RBFOX1: variants seen among roughly 807,000 people sequenced by gnomAD.
The protein encoded by RBFOX1 is RNA binding protein fox-1 homolog 1.
Under a neutral mutation model 57.7 loss-of-function variants are expected in RBFOX1, and 8 were observed. The observed-to-expected ratio is 0.14, with a 90% CI of 0.08 to 0.25. The LOEUF is 0.25. RBFOX1 is among the 10% of genes least tolerant of loss of function. The pLI is 1.00. For synonymous variants in RBFOX1, 326 were observed against 222.4 expected (o/e 1.47, Z -4.15); for missense variants, 611 against 548.5 (o/e 1.11, Z -1.14).
chr16:6,829,481 T>TAAAAA (rs35754742), intron 3 of RBFOX1, among the ~76,000 whole-genome samples: 47 of 135,662 alleles, frequency 3.5e-4, no homozygotes, highest in African/African-American at 1.1e-3. Context: ...ACTCAACCAT[T>TAAAAA]AAAAAAAAAA....
chr16:6,522,422 G>T (rs558481286), intron 2 of RBFOX1, among the ~76,000 whole-genome samples: 1 of 152,050 alleles, frequency 6.6e-6, no homozygotes, highest in South Asian at 2.1e-4. Flanking sequence ...TAATGCCATC[G>T]TATTGGGAAG....
At chr16:7,290,442 T>A (rs2141518349) in intron 4 of RBFOX1, among the ~76,000 whole-genome samples, 1 of 152,352 alleles carries the variant, frequency 6.6e-6, no homozygotes, top group East Asian at 1.9e-4. Context: ...GTAAGCTCCA[T>A]GTCCTTTCGT....
At chr16:5,306,705 G>C (rs1018244450) in intron 1 of RBFOX1, among the ~76,000 whole-genome samples, 2 of 152,186 alleles carry the variant, frequency 1.3e-5, no homozygotes, top group African/African-American at 4.8e-5. Flanking sequence ...GCTTCCGAGA[G>C]AGCACGCCCA....
chr16:6,014,943 G>T (rs76018837), upstream of RBFOX1, among the ~76,000 whole-genome samples: 16,357 of 151,088 alleles, frequency 0.11, 1,265 homozygotes, highest in African/African-American at 0.22. Context: ...GTAGCCTCAA[G>T]CTCCCAGGCT....
intron 4 of RBFOX1, among the ~76,000 whole-genome samples, chr16:7,098,102 G>C (rs1599428132): frequency 6.6e-6 from 1 of 152,348 alleles, no homozygotes; most frequent in East Asian, 1.9e-4. Context: ...AGTGGTACAA[G>C]TGAGGAAAGG....
intron 4 of RBFOX1, among the ~76,000 whole-genome samples, chr16:7,264,978 T>C (rs1459563488): frequency 1.3e-5 from 2 of 152,240 alleles, no homozygotes; most frequent in East Asian, 1.9e-4. Context: ...CAAGCAGTTA[T>C]TTGTAGAATC....
intron 2 of RBFOX1, among the ~76,000 whole-genome samples, chr16:6,414,029 C>T (rs1177751446): frequency 6.6e-6 from 1 of 152,246 alleles, no homozygotes; most frequent in Non-Finnish European, 1.5e-5. Flanking sequence ...GGGATCGTTC[C>T]GCGCAAACAC....
At chr16:6,180,045 T>C (rs980060148) in intron 1 of RBFOX1, among the ~76,000 whole-genome samples, 1 of 152,216 alleles carries the variant, frequency 6.6e-6, no homozygotes, top group African/African-American at 2.4e-5. Context: ...TTTGCCAGTA[T>C]CTTCTTGAAG....
At chr16:6,176,706 T>C (rs1007550260) in intron 1 of RBFOX1, among the ~76,000 whole-genome samples, 1 of 152,174 alleles carries the variant, frequency 6.6e-6, no homozygotes, top group African/African-American at 2.4e-5. Flanking sequence ...TTTTTTTTCT[T>C]TTCCAATCTG....
chr16:5,621,571 A>T (rs141305998), intron 3 of RBFOX1, among the ~76,000 whole-genome samples: 1 of 152,196 alleles, frequency 6.6e-6, no homozygotes, highest in African/African-American at 2.4e-5. Flanking sequence ...GGATGTAGGC[A>T]TCAGCGGGAT....
chr16:6,306,302 G>A (rs1203282977), intron 1 of RBFOX1, among the ~76,000 whole-genome samples: 1 of 152,154 alleles, frequency 6.6e-6, no homozygotes, highest in East Asian at 1.9e-4. Context: ...GTTGAATCAT[G>A]GATGGAAACC....
intron 1 of RBFOX1, among the ~76,000 whole-genome samples, chr16:6,220,190 G>C (rs141983017): frequency 6.6e-6 from 1 of 152,060 alleles, no homozygotes; most frequent in East Asian, 1.9e-4. Flanking sequence ...CTGTGTGTCT[G>C]TGGGTGTGTG....
chr16:6,769,957 C>T (rs550543673), intron 3 of RBFOX1, among the ~76,000 whole-genome samples: 44 of 152,176 alleles, frequency 2.9e-4, no homozygotes, highest in South Asian at 6.2e-4. Flanking sequence ...TATCTATGTG[C>T]CTTATGCCTG....
intron 2 of RBFOX1, among the ~76,000 whole-genome samples, chr16:6,633,841 C>G (rs1439673612): frequency 6.6e-6 from 1 of 151,930 alleles, no homozygotes; most frequent in Admixed American, 6.6e-5. Flanking sequence ...AGATGTATCT[C>G]TATAAAAAAA....
chr16:5,362,964 G>A (rs981055557), intron 1 of RBFOX1, among the ~76,000 whole-genome samples: 1 of 151,398 alleles, frequency 6.6e-6, no homozygotes, highest in Non-Finnish European at 1.5e-5. Context: ...TTAAACCTTG[G>A]CTATTGTGTA....
At chr16:7,535,280 G>A (rs866489773) in intron 5 of RBFOX1, among the ~76,000 whole-genome samples, 2 of 152,106 alleles carry the variant, frequency 1.3e-5, no homozygotes, top group Non-Finnish European at 2.9e-5. Flanking sequence ...CTGGGCTTAC[G>A]GGCCCTTTCT....
In RBFOX1 at chr16:6,582,456, C is replaced by T. The variant is rs532365098; in HGVS notation, c.-63-72147C>T. On this transcript the variant is annotated intron_variant, in intron 2 of 15. Transcript: ENST00000550418. ...TTGTCTTTGTTCCTTGAAATGTTAGCGCCAATTTTTTTTTTTTTCAATTTT... is the reference window on the plus strand; with the variant it reads ...TTGTCTTTGTTCCTTGAAATGTTAGTGCCAATTTTTTTTTTTTTCAATTTT... Among the ~76,000 whole-genome samples, 38 of 66,580 alleles carry T rather than the reference C, an allele frequency of 5.7e-4. No individual in the cohort carries two copies. The South Asian group carries it at 0.011, about 19-fold the overall frequency. The allele number at this position is 66,580 out of a possible 152,430, so 43.7% of individuals were successfully genotyped here. A position where few individuals can be genotyped will look rare whatever the true frequency, so the allele number is the denominator to read the frequency against.
chr16:5,861,679 A>G (rs1255449355), intron 3 of RBFOX1, among the ~76,000 whole-genome samples: 1 of 152,198 alleles, frequency 6.6e-6, no homozygotes, highest in Non-Finnish European at 1.5e-5. Flanking sequence ...TGACGGTGCC[A>G]GCATTTGGAC....
chr16:6,945,598 C>T lies in RBFOX1; in HGVS notation c.-15-106459C>T, dbSNP rs151009531. ...TTGATGTTTATTTTTGTATCAGAATCCGCTGGTGCTGGCTAGGCTCGGTGG... is the reference window on the plus strand; with the variant it reads ...TTGATGTTTATTTTTGTATCAGAATTCGCTGGTGCTGGCTAGGCTCGGTGG... On this transcript the variant is annotated intron_variant, in intron 3 of 15. Transcript: ENST00000550418. 2.5e-3 allele frequency among the ~76,000 whole-genome samples: 378 copies of T among 152,052 alleles called. 1 individual carries two copies. Among genetic ancestry groups the T allele is most frequent in the African/African-American group, 8.7e-3 (360 of 41,476 alleles).
Sources: gnomAD v4.1 joint callset for allele counts (sites outside exome capture counted in the v4.1 genomes callset) on GRCh38, gnomAD v4.1.1 for gene constraint, MANE v1.5 for transcripts, NCBI Gene and HGNC (gene_info 2026-07-23, HGNC 2026-07-21) for gene names.